Variants in TSPAN18 observed in about 807,000 individuals in gnomAD.
The protein encoded by TSPAN18 is tetraspanin-18.
A neutral mutation model predicts 27.3 loss-of-function variants in TSPAN18; 14 were observed. The observed-to-expected ratio is 0.51, with a 90% CI of 0.34 to 0.80. The LOEUF (loss-of-function observed/expected upper bound fraction) is 0.80, where lower values mean the gene tolerates loss of function less well. TSPAN18 is among the 30% of genes least tolerant of loss of function. The pLI is 0.01. For missense variants in TSPAN18, 268 were observed against 323.9 expected, an observed-to-expected ratio of 0.83 and a Z score of 1.32; for synonymous variants, 143 against 136.5, an observed-to-expected ratio of 1.05 and a Z score of -0.33.
chr11:44,841,039 C>T (rs1857362008), intron 2 of TSPAN18, among the ~76,000 whole-genome samples: 1 of 152,182 alleles, frequency 6.6e-6, no homozygotes, highest in Admixed American at 6.5e-5. Context: ...CATCAGCACC[C>T]CCCAGGGCAG....
intron 3 of TSPAN18, chr11:44,903,758 C>T (rs1045451780): frequency 4.4e-6 from 2 of 456,130 alleles, no homozygotes; most frequent in Non-Finnish European, 8.8e-6. Context: ...CAAATCCGCC[C>T]CCCACCCCAT....
intron 2 of TSPAN18, among the ~76,000 whole-genome samples, chr11:44,787,678 G>T (rs963857947): frequency 1.3e-5 from 2 of 152,176 alleles, no homozygotes; most frequent in Admixed American, 6.5e-5. Context: ...GTTAAAACTC[G>T]CCAGGCCCAA....
intron 1 of TSPAN18, among the ~76,000 whole-genome samples, chr11:44,737,552 A>C (rs1421904931): frequency 6.6e-6 from 1 of 152,254 alleles, no homozygotes; most frequent in African/African-American, 2.4e-5. Context: ...TTTATAGGCA[A>C]GTTAACTCTA....
intron 2 of TSPAN18, among the ~76,000 whole-genome samples, chr11:44,788,309 T>C (rs1333013390): frequency 1.3e-5 from 2 of 152,142 alleles, no homozygotes; most frequent in Non-Finnish European, 2.9e-5. Flanking sequence ...CGCTGTCCAA[T>C]ACGAGAGCCA....
intron 3 of TSPAN18, among the ~76,000 whole-genome samples, chr11:44,904,078 ACC>A (rs1363800740): frequency 1.3e-5 from 2 of 152,022 alleles, no homozygotes; most frequent in Non-Finnish European, 2.9e-5. Flanking sequence ...TTTAAGAGAA[ACC>A]CTTGGGGCAC....
At chr11:44,760,004 A>T (rs1855416170) in intron 1 of TSPAN18, among the ~76,000 whole-genome samples, 1 of 152,202 alleles carries the variant, frequency 6.6e-6, no homozygotes, top group African/African-American at 2.4e-5. Context: ...CAGGGTTAGG[A>T]AAGGAAGAGA....
intron 3 of TSPAN18, among the ~76,000 whole-genome samples, chr11:44,883,171 T>C (rs986541872): frequency 1.3e-5 from 2 of 152,180 alleles, no homozygotes; most frequent in South Asian, 2.1e-4. Flanking sequence ...AAAACCTGGA[T>C]CCTTCCATTT....
intron 3 of TSPAN18, among the ~76,000 whole-genome samples, chr11:44,893,472 C>T (rs897761368): frequency 1.3e-5 from 2 of 152,198 alleles, no homozygotes; most frequent in African/African-American, 4.8e-5. Flanking sequence ...TTTATGAGAC[C>T]GTCTGTCTTG....
chr11:44,747,689 C>T (rs1254763128), intron 1 of TSPAN18, among the ~76,000 whole-genome samples: 1 of 151,944 alleles, frequency 6.6e-6, no homozygotes, highest in Non-Finnish European at 1.5e-5. Context: ...GTTTCTCCTC[C>T]CCCCTCCCGT....
At chr11:44,861,053 G>A (rs1857865854) in intron 3 of TSPAN18, among the ~76,000 whole-genome samples, 1 of 152,068 alleles carries the variant, frequency 6.6e-6, no homozygotes, top group Non-Finnish European at 1.5e-5. Flanking sequence ...TTTCAAGGCA[G>A]GCAGGGCTGA....
Position 44,919,279 on chromosome 11 carries a change from C to T in TSPAN18, c.399C>T (p.Val133=). 6.2e-7 allele frequency: 1 copy of T among 1,614,128 alleles called. No individual in the cohort carries two copies. Among genetic ancestry groups the T allele is most frequent in the Non-Finnish European group, 8.5e-7 (1 of 1,180,000 alleles). The stretch of plus-strand genomic sequence containing the variant: ...ACCAGGGCAATAACGACACAGACGT[C>T]TTCTCTGCCACCTGGAACTCGGTCA... The part of the protein sequence containing the change: ...KHYQGNNDTD[V]FSATWNSVMI... Residue 133 remains valine (V), a synonymous_variant, in exon 7 of 10, where the codon GTC becomes GTT. Coordinates refer to ENST00000520358, the MANE Select transcript of TSPAN18 (RefSeq NM_130783.5).
intron 2 of TSPAN18, among the ~76,000 whole-genome samples, chr11:44,835,126 A>G (rs1386544960): frequency 6.6e-6 from 1 of 152,228 alleles, no homozygotes; most frequent in Non-Finnish European, 1.5e-5. Flanking sequence ...CTCAAAGGTC[A>G]TCCTCCCATG....
At chr11:44,899,649 T>A (rs1030066026) in intron 3 of TSPAN18, among the ~76,000 whole-genome samples, 2 of 152,218 alleles carry the variant, frequency 1.3e-5, no homozygotes, top group African/African-American at 4.8e-5. Context: ...TATGAGGGAC[T>A]GTACCTCTAT....
chr11:44,747,277 G>T (rs1363760428), intron 1 of TSPAN18, among the ~76,000 whole-genome samples: 1 of 152,238 alleles, frequency 6.6e-6, no homozygotes, highest in African/African-American at 2.4e-5. Context: ...GCTCTCTGGG[G>T]CACAGAACTT....
At chr11:44,929,039 G>A in intron 9 of TSPAN18, 92 bp from the exon 10 acceptor site, 1 of 1,498,912 alleles carries the variant, frequency 6.7e-7, no homozygotes, top group Non-Finnish European at 9.2e-7. Flanking sequence ...AAGAGTGACA[G>A]GCATTCACTC....
chr11:44,847,066 G>A (rs1224363900), intron 2 of TSPAN18, among the ~76,000 whole-genome samples: 2 of 152,226 alleles, frequency 1.3e-5, no homozygotes, highest in African/African-American at 4.8e-5. Flanking sequence ...GTGGGAGAGG[G>A]AGAGACGCAG....
intron 8 of TSPAN18, among the ~76,000 whole-genome samples, chr11:44,924,081 C>G (rs1322280276): frequency 7.1e-6 from 1 of 140,300 alleles, no homozygotes; most frequent in African/African-American, 2.8e-5. Context: ...GCTGCTTCTC[C>G]TGTCCCCTTC....
intron 3 of TSPAN18, among the ~76,000 whole-genome samples, chr11:44,882,979 G>A (rs971225102): frequency 6.6e-6 from 1 of 152,214 alleles, no homozygotes; most frequent in Non-Finnish European, 1.5e-5. Context: ...ACTTTCCTGG[G>A]TGGAGGCACC....
intron 3 of TSPAN18, among the ~76,000 whole-genome samples, chr11:44,892,607 GA>G (rs1277084383): frequency 6.6e-6 from 1 of 152,218 alleles, no homozygotes; most frequent in African/African-American, 2.4e-5. Flanking sequence ...TAGTGCCTAA[GA>G]CAGGCAGAGG....
Sources: gnomAD v4.1 joint callset for allele counts (sites outside exome capture counted in the v4.1 genomes callset) on GRCh38, gnomAD v4.1.1 for gene constraint, MANE v1.5 for transcripts, NCBI Gene and HGNC (gene_info 2026-07-23, HGNC 2026-07-21) for gene names.